Variants in ZNF23 observed in about 807,000 individuals in gnomAD.
ZNF23 encodes kruppel-like zinc finger factor X31.
Under a neutral mutation model 56.2 loss-of-function variants are expected in ZNF23, and 48 were observed. That is an observed-to-expected ratio of 0.85 (90% CI 0.68 to 1.09). The LOEUF (loss-of-function observed/expected upper bound fraction) is 1.09, where lower values mean the gene tolerates loss of function less well. Ranked by LOEUF, ZNF23 falls within the 50% of genes least tolerant of loss-of-function variation. The pLI is 0.00. For missense variants in ZNF23, 805 were observed against 811.4 expected (o/e 0.99, Z 0.10); for synonymous variants, 266 against 283.3 (o/e 0.94, Z 0.61).
At chr16:71,454,901 A>C (rs2043172196) in intron 2 of ZNF23, among the ~76,000 whole-genome samples, 1 of 152,132 alleles carries the variant, frequency 6.6e-6, no homozygotes, top group Non-Finnish European at 1.5e-5. Flanking sequence ...GGTTGGCACA[A>C]GCTCCACCAC....
In ZNF23 at chr16:71,453,364, G is replaced by A; in HGVS notation, c.161-14C>T. 1 of 1,558,432 alleles carries A rather than the reference G, an allele frequency of 6.4e-7. No individual in the cohort carries two copies. The highest frequency in any genetic ancestry group is 8.7e-7 in the Non-Finnish European group (1 of 1,143,450). ...GAAGTGGAAATCCTGGTTTGGGAGA[G>A]GTAAATAGGAGAGACAGATGAATAA... is the stretch of plus-strand genomic sequence containing the variant. On this transcript the variant is annotated splice_polypyrimidine_tract_variant and intron_variant, in intron 3 of 4. Coordinates refer to ENST00000647773, the MANE Select transcript of ZNF23 (RefSeq NM_001381984.1).
intron 2 of ZNF23, among the ~76,000 whole-genome samples, chr16:71,454,565 A>G (rs985053155): frequency 6.6e-6 from 1 of 151,958 alleles, no homozygotes; most frequent in Non-Finnish European, 1.5e-5. Context: ...CTGCCCACCC[A>G]TCGCCCTCAT....
In ZNF23 at chr16:71,449,080, T is replaced by G; in HGVS notation, c.1074A>C (p.Lys358Asn). 6.2e-7 allele frequency: 1 copy of G among 1,614,202 alleles called. No individual in the cohort carries two copies. Residue 358 changes from lysine to asparagine, a missense_variant, in exon 5 of 5, where the codon AAA becomes AAC. Transcript: ENST00000647773. ...EKPYECNDCG[K>N]AFNVNAKLIQ... ...TTAATTTTGCATTAACATTGAACGC[T>G]TTCCCACAGTCATTACACTCGTAAG...
intron 1 of ZNF23, among the ~76,000 whole-genome samples, chr16:71,458,385 T>G (rs2043314394): frequency 6.6e-6 from 1 of 152,250 alleles, no homozygotes; most frequent in African/African-American, 2.4e-5. Context: ...TGGTTCATGA[T>G]TCTTTCCATT....
intron 3 of ZNF23, chr16:71,453,637 A>C: frequency 2.1e-6 from 1 of 469,076 alleles, no homozygotes; most frequent in South Asian, 2.9e-5. Context: ...GACCTCATGC[A>C]GGGCAAGCAG....
chr16:71,453,688 C>A, intron 3 of ZNF23: 1 of 471,692 alleles, frequency 2.1e-6, no homozygotes, highest in Non-Finnish European at 3.8e-6. Flanking sequence ...TGACCTTGGC[C>A]TGAAATAATC....
intron 1 of ZNF23, among the ~76,000 whole-genome samples, 177 bp from the exon 2 acceptor site, chr16:71,457,005 T>C (rs1344090183): frequency 6.6e-6 from 1 of 152,216 alleles, no homozygotes; most frequent in Non-Finnish European, 1.5e-5. Flanking sequence ...CTCCAGGCTA[T>C]GACACTGAAA....
chr16:71,459,085 A>G, intron 1 of ZNF23, among the ~76,000 whole-genome samples: 1 of 152,226 alleles, frequency 6.6e-6, no homozygotes, highest in East Asian at 1.9e-4. Context: ...GTCCAGTTCT[A>G]CAGAGGTTAG....
At chr16:71,460,368 T>C (rs2043398927) in intron 1 of ZNF23, among the ~76,000 whole-genome samples, 1 of 152,200 alleles carries the variant, frequency 6.6e-6, no homozygotes. Flanking sequence ...TGACATTATA[T>C]AGATTTTCTA....
Position 71,449,084 on chromosome 16 carries a change from C to G in ZNF23, c.1070G>C (p.Gly357Ala), listed in dbSNP as rs1424130626. The G allele has an allele frequency of 3.7e-6, 6 of 1,614,170 alleles. No homozygotes were observed. In the South Asian group the frequency reaches 6.6e-5, roughly 18 times the overall value. Residue 357 changes from glycine to alanine, a missense_variant, in exon 5 of 5, where the codon GGG (glycine) becomes GCG (alanine). Coordinates refer to ENST00000647773, the MANE Select transcript of ZNF23 (RefSeq NM_001381984.1). ...TTTTGCATTAACATTGAACGCTTTC[C>G]CACAGTCATTACACTCGTAAGGTTT... ...GEKPYECNDC[G>A]KAFNVNAKLI... is the part of the protein sequence containing the mutation.
intron 2 of ZNF23, among the ~76,000 whole-genome samples, chr16:71,455,594 T>C (rs1011197323): frequency 3.9e-5 from 6 of 152,054 alleles, no homozygotes; most frequent in South Asian, 2.1e-4. Flanking sequence ...TGACCTCAAG[T>C]GATCCAACCA....
Position 71,459,343 on chromosome 16 carries a change from C to T in ZNF23, c.-32-2515G>A, listed in dbSNP as rs192930730. On this transcript the variant is annotated intron_variant, in intron 1 of 4. Transcript: ENST00000647773. ...CCTTAAGACTCCAAGGCTCCTCAAA[C>T]GCCCTGCAAGGCAGAGCCTGTTGAG... Among the ~76,000 whole-genome samples the T allele has an allele frequency of 8.3e-3, 1,257 of 152,358 alleles. 6 individuals are homozygous for T. The highest frequency in any genetic ancestry group is 0.013 in the Non-Finnish European group (900 of 68,042).
At position 71,447,956 on chromosome 16, in the gene ZNF23, T is replaced by C; in HGVS notation, c.*137A>G. 1 of 601,334 alleles carries C rather than the reference T, an allele frequency of 1.7e-6. No homozygotes were observed. The highest frequency in any genetic ancestry group is 3.8e-5 in the South Asian group (1 of 26,274). 37.2% of individuals were successfully genotyped at this position (601,334 alleles called of 1,614,324 possible). On this transcript the variant is annotated 3_prime_UTR_variant, in exon 5 of 5. Transcript: ENST00000647773. Reference sequence around the variant, plus strand: ...CTGGTCATCCTTTCCTGATTTAAACTGAATAGAATAAAAACTGTTTCCATA... The same window carrying C: ...CTGGTCATCCTTTCCTGATTTAAACCGAATAGAATAAAAACTGTTTCCATA...
At chr16:71,456,419 T>G (rs1038474709) in intron 2 of ZNF23, among the ~76,000 whole-genome samples, 2 of 152,092 alleles carry the variant, frequency 1.3e-5, no homozygotes, top group South Asian at 4.1e-4. Context: ...AGTCCAATCC[T>G]CTGCGACTGT....
intron 1 of ZNF23, among the ~76,000 whole-genome samples, chr16:71,460,134 T>C (rs1282224256): frequency 6.6e-6 from 1 of 152,162 alleles, no homozygotes. Context: ...ATCGTTTAAA[T>C]GCAGTAGGCA....
In ZNF23 at chr16:71,448,603, T is replaced by C. The variant is rs1395251284; in HGVS notation, c.1551A>G (p.Lys517=). The part of the protein sequence containing the change: ...MRHQRIHTGE[K]PFECNECGRC... The stretch of plus-strand genomic sequence containing the variant: ...TCCCACACTCATTACATTCAAAAGG[T>C]TTCTCCCCAGTGTGAATTCTCTGAT... Residue 517 remains lysine (K), a synonymous_variant, in exon 5 of 5, where the codon AAA becomes AAG. Transcript: ENST00000647773. 12 of 1,614,008 alleles carry C rather than the reference T, an allele frequency of 7.4e-6. No individual in the cohort carries two copies. In the Admixed American group the frequency reaches 8.3e-5, roughly 11 times the overall value.
In ZNF23 at chr16:71,448,009, T is replaced by C; in HGVS notation, c.*84A>G. The C allele has an allele frequency of 8.8e-7, 1 of 1,139,882 alleles. No individual in the cohort carries two copies. Among genetic ancestry groups the C allele is most frequent in the Non-Finnish European group, 1.2e-6 (1 of 809,664 alleles). 70.6% of individuals were successfully genotyped at this position (1,139,882 alleles called of 1,614,324 possible). A position where few individuals can be genotyped will look rare whatever the true frequency, so the allele number is the denominator to read the frequency against. ...AAGACTCTGCCATATTCATGCCCTC[T>C]TGGAGGTTTTTCAATGGATGAATCT... On this transcript the variant is annotated 3_prime_UTR_variant, in exon 5 of 5. Coordinates refer to ENST00000647773, the MANE Select transcript of ZNF23 (RefSeq NM_001381984.1).
intron 2 of ZNF23, chr16:71,455,968 G>A (rs911690851): frequency 2.2e-6 from 1 of 455,320 alleles, no homozygotes; most frequent in Non-Finnish European, 4.4e-6. Flanking sequence ...TTATCACAGA[G>A]GCGGTTGTCA....
chr16:71,453,900 C>T, intron 3 of ZNF23, 142 bp downstream of exon 3: 1 of 1,040,366 alleles, frequency 9.6e-7, no homozygotes, highest in Admixed American at 2.1e-5. Flanking sequence ...CTGCCAGTAA[C>T]CTCTAAGTCT....
Sources: gnomAD v4.1 joint callset for allele counts (sites outside exome capture counted in the v4.1 genomes callset) on GRCh38, gnomAD v4.1.1 for gene constraint, MANE v1.5 for transcripts, NCBI Gene and HGNC (gene_info 2026-07-23, HGNC 2026-07-21) for gene names.